FARS2: variants seen among roughly 807,000 people sequenced by gnomAD.
The protein encoded by FARS2 is phenylalanine--tRNA ligase, mitochondrial.
A neutral mutation model predicts 46.4 loss-of-function variants in FARS2; 40 were observed. That is an observed-to-expected ratio of 0.86 (90% confidence interval 0.67 to 1.12). The LOEUF (loss-of-function observed/expected upper bound fraction) is 1.12, where lower values mean the gene tolerates loss of function less well. FARS2 is among the 50% of genes most tolerant of loss of function. FARS2 has a pLI of 0.00. For synonymous variants in FARS2, 234 were observed against 214.9 expected, an observed-to-expected ratio of 1.09 and a Z score of -0.78; for missense variants, 513 against 567.9, an observed-to-expected ratio of 0.90 and a Z score of 0.98.
intron 1 of FARS2, among the ~76,000 whole-genome samples, chr6:5,264,933 A>G (rs998833405): frequency 2.7e-5 from 4 of 150,500 alleles, no homozygotes; most frequent in African/African-American, 7.3e-5. Context: ...AGCTAGGCCT[A>G]TAGGCTCATG....
At position 5,525,149 on chromosome 6, in the gene FARS2, T is replaced by C. The variant is rs562108516; in HGVS notation, c.905-20031T>C. Among the ~76,000 whole-genome samples, 15 of 151,974 alleles carry C rather than the reference T, an allele frequency of 9.9e-5. No homozygotes were observed. The South Asian group carries it at 3.1e-3, about 32-fold the overall frequency. ...TGGCTGCCGACGTACAGCCTCTGCT[T>C]CCCATCTCTGCCTGGCTTCTGCATT... On this transcript the variant is annotated intron_variant, in intron 4 of 6. Transcript: ENST00000274680.
chr6:5,387,592 C>T (rs1416333883), intron 2 of FARS2, among the ~76,000 whole-genome samples: 1 of 152,178 alleles, frequency 6.6e-6, no homozygotes, highest in Non-Finnish European at 1.5e-5. Context: ...ACTTTCTTCT[C>T]CAAAATTTGG....
chr6:5,395,512 G>T (rs955548197), intron 2 of FARS2, among the ~76,000 whole-genome samples: 2 of 152,090 alleles, frequency 1.3e-5, no homozygotes, highest in African/African-American at 4.8e-5. Context: ...GTTTAGTAGG[G>T]ATGACACTCT....
chr6:5,441,822 G>T (rs1763858942), intron 4 of FARS2, among the ~76,000 whole-genome samples: 1 of 152,194 alleles, frequency 6.6e-6, no homozygotes, highest in Admixed American at 6.5e-5. Context: ...TCATCAAATT[G>T]TTTCCCAAAG....
chr6:5,425,763 T>G (rs1162972983), intron 3 of FARS2, among the ~76,000 whole-genome samples: 1 of 152,222 alleles, frequency 6.6e-6, no homozygotes, highest in East Asian at 1.9e-4. Context: ...GCTTCTGGAC[T>G]TTGGGCTCTC....
At chr6:5,477,008 G>C (rs1194927619) in intron 4 of FARS2, among the ~76,000 whole-genome samples, 1 of 152,156 alleles carries the variant, frequency 6.6e-6, no homozygotes, top group Non-Finnish European at 1.5e-5. Context: ...TTTATAATCA[G>C]AAGAAAATAT....
intron 6 of FARS2, among the ~76,000 whole-genome samples, chr6:5,670,267 G>A (rs555504417): frequency 6.6e-6 from 1 of 152,178 alleles, no homozygotes; most frequent in Non-Finnish European, 1.5e-5. Context: ...ACCCAAATAA[G>A]TTACATCAAT....
chr6:5,732,925 G>A (rs183288542), intron 6 of FARS2, among the ~76,000 whole-genome samples: 15 of 152,266 alleles, frequency 9.9e-5, no homozygotes, highest in African/African-American at 2.2e-4. Flanking sequence ...TACTGTGCAA[G>A]GCTCTGAAAA....
chr6:5,293,458 C>G (rs562367773), intron 1 of FARS2, among the ~76,000 whole-genome samples: 28 of 152,202 alleles, frequency 1.8e-4, no homozygotes, highest in Admixed American at 4.6e-4. Context: ...GGGATTATTA[C>G]TTGACCATTC....
chr6:5,623,589 G>A (rs9378975), intron 6 of FARS2, among the ~76,000 whole-genome samples: 5,251 of 152,134 alleles, frequency 0.035, 358 homozygotes, highest in East Asian at 0.3. Flanking sequence ...GCACGCGCCT[G>A]TAATCCCAGC....
chr6:5,591,680 G>A (rs764942533), intron 5 of FARS2, among the ~76,000 whole-genome samples: 1 of 152,120 alleles, frequency 6.6e-6, no homozygotes, highest in Non-Finnish European at 1.5e-5. Flanking sequence ...TTCTCGCCCC[G>A]AGGATCCTTT....
At chr6:5,284,960 G>A (rs1767003754) in intron 1 of FARS2, among the ~76,000 whole-genome samples, 1 of 152,132 alleles carries the variant, frequency 6.6e-6, no homozygotes, top group Non-Finnish European at 1.5e-5. Flanking sequence ...AAACTCAGTC[G>A]TCACCCCCAC....
intron 4 of FARS2, among the ~76,000 whole-genome samples, chr6:5,524,575 C>G (rs1354331019): frequency 6.6e-6 from 1 of 152,246 alleles, no homozygotes; most frequent in Non-Finnish European, 1.5e-5. Flanking sequence ...GATGATAATA[C>G]TTACAAGTAC....
At chr6:5,365,648 T>C (rs1758627946) in intron 1 of FARS2, among the ~76,000 whole-genome samples, 1 of 150,960 alleles carries the variant, frequency 6.6e-6, no homozygotes, top group Admixed American at 6.6e-5. Context: ...CACCACACCC[T>C]ACTGAGAAAT....
intron 3 of FARS2, among the ~76,000 whole-genome samples, chr6:5,414,811 G>GTTT (rs35210878): frequency 0.01 from 904 of 86,612 alleles, 19 homozygotes; most frequent in East Asian, 0.018. Flanking sequence ...GTATATGACT[G>GTTT]TTTTTTTTTT....
At chr6:5,381,564 G>A (rs992252528) in intron 2 of FARS2, among the ~76,000 whole-genome samples, 12 of 152,198 alleles carry the variant, frequency 7.9e-5, no homozygotes, top group East Asian at 1.9e-4. Context: ...CCCAATCTCA[G>A]TCTGTAGTAA....
chr6:5,709,607 G>A (rs1758980675), intron 6 of FARS2, among the ~76,000 whole-genome samples: 1 of 151,784 alleles, frequency 6.6e-6, no homozygotes, highest in African/African-American at 2.4e-5. Context: ...AGTTTCTTAA[G>A]ATCGGAAGAC....
chr6:5,362,154 T>C (rs1490770759), intron 1 of FARS2, among the ~76,000 whole-genome samples: 1 of 152,204 alleles, frequency 6.6e-6, no homozygotes, highest in Non-Finnish European at 1.5e-5. Flanking sequence ...CCATGCCCAC[T>C]GTTTGGACAT....
chr6:5,581,434 C>T (rs1334399881), intron 5 of FARS2, among the ~76,000 whole-genome samples: 7 of 152,172 alleles, frequency 4.6e-5, no homozygotes, highest in African/African-American at 7.2e-5. Flanking sequence ...TATGTCTAGC[C>T]GGCTAGTGCT....
Sources: allele counts gnomAD v4.1 joint callset (sites outside exome capture counted in the v4.1 genomes callset), GRCh38; gene constraint gnomAD v4.1.1; transcripts MANE v1.5; gene names NCBI Gene and HGNC (gene_info 2026-07-23, HGNC 2026-07-21).